PTPRN2: variants seen among roughly 807,000 people sequenced by gnomAD.
PTPRN2 encodes the protein protein tyrosine phosphatase receptor type N2, also known as receptor-type tyrosine-protein phosphatase N2.
In PTPRN2, 74 loss-of-function variants were observed where a neutral mutation model predicts 118.8. That is an observed-to-expected ratio of 0.62 (90% CI 0.52 to 0.76). The LOEUF (loss-of-function observed/expected upper bound fraction) is 0.76. Ranked by LOEUF, PTPRN2 falls within the 30% of genes least tolerant of loss-of-function variation. The pLI is 0.00. For missense variants in PTPRN2, 1,481 were observed against 1,394.4 expected, an observed-to-expected ratio of 1.06 and a Z score of -0.99; for synonymous variants, 641 against 608.0, an observed-to-expected ratio of 1.05 and a Z score of -0.80.
At position 158,262,356 on chromosome 7, in the gene PTPRN2, GCAAA is replaced by G. The variant is rs200646069; in HGVS notation, c.277+54459_277+54462del. ...CACTGCACACATATTCACACACACT[GCAAA>G]CATTCACTGCACACACATACACACA... is the stretch of plus-strand genomic sequence containing the variant. On this transcript the variant is annotated intron_variant, in intron 3 of 22. Transcript: ENST00000389418. Among the ~76,000 whole-genome samples the G allele has an allele frequency of 1.0e-3, 117 of 113,204 alleles. 1 individual carries two copies. The East Asian group carries it at 0.024, about 23-fold the overall frequency. 74.3% of individuals were successfully genotyped at this position (113,204 alleles called of 152,430 possible).
intron 11 of PTPRN2, among the ~76,000 whole-genome samples, chr7:158,071,769 A>AGGTGCTTGTGGTGG (rs1563393422): frequency 1.1e-4 from 5 of 44,806 alleles, no homozygotes; most frequent in African/African-American, 6.7e-4. Context: ...GCTCGTGGTG[A>AGGTGCTTGTGGTGG]TGGAGGTGCT....
chr7:157,688,455 G>A (rs931623463), intron 12 of PTPRN2, among the ~76,000 whole-genome samples: 1 of 152,178 alleles, frequency 6.6e-6, no homozygotes, highest in African/African-American at 2.4e-5. Flanking sequence ...TGAGAAAGCC[G>A]CCCCCAGCCT....
intron 11 of PTPRN2, among the ~76,000 whole-genome samples, chr7:158,062,582 A>G (rs987874371): frequency 5.0e-4 from 76 of 151,048 alleles, no homozygotes; most frequent in African/African-American, 1.7e-3. Context: ...GGAGAGGCAC[A>G]GGCAGGAACT....
At position 157,844,383 on chromosome 7, in the gene PTPRN2, G is replaced by A. The variant is rs116256593; in HGVS notation, c.1788+54290C>T. On this transcript the variant is annotated intron_variant, in intron 12 of 22. Coordinates refer to ENST00000389418, the MANE Select transcript of PTPRN2 (RefSeq NM_002847.5). ...AGCTGAAGGCCTGGGCACAGCTAGCGAGGCCACTGGCATGTGGGAGATGGA... is the reference window on the plus strand; with the variant it reads ...AGCTGAAGGCCTGGGCACAGCTAGCAAGGCCACTGGCATGTGGGAGATGGA... Among the ~76,000 whole-genome samples, 455 of 152,344 alleles carry A rather than the reference G, an allele frequency of 3.0e-3. 4 individuals carry two copies. The highest frequency in any genetic ancestry group is 0.01 in the African/African-American group (435 of 41,588).
rs1824781673 is a variant in PTPRN2, at chr7:158,526,353, G to A, written c.113-36568C>T. 1.3e-5 allele frequency among the ~76,000 whole-genome samples: 2 copies of A among 152,232 alleles called. No individual in the cohort carries two copies. The highest frequency in any genetic ancestry group is 1.3e-4 in the Admixed American group (2 of 15,282). On this transcript the variant is annotated intron_variant, in intron 1 of 22. Coordinates refer to ENST00000389418, the MANE Select transcript of PTPRN2 (RefSeq NM_002847.5). The surrounding 1 kb of genome is among the most constrained non-coding windows in gnomAD (Gnocchi z 5.2). ...CATCTCTCCCGTGGGACGCTGCAGA[G>A]ATAACCAGGTAGAGCCACGCTCACG...
chr7:158,021,754 G>A (rs1468865519), intron 11 of PTPRN2, among the ~76,000 whole-genome samples: 1 of 152,172 alleles, frequency 6.6e-6, no homozygotes, highest in East Asian at 1.9e-4. Context: ...CCATAGTGGG[G>A]AGAGGATGAA....
At chr7:158,034,767 C>T (rs1046642163) in intron 11 of PTPRN2, among the ~76,000 whole-genome samples, 3 of 152,138 alleles carry the variant, frequency 2.0e-5, no homozygotes, top group Admixed American at 6.5e-5. Context: ...AGGGCTGAGT[C>T]GAGTTGCATC....
At chr7:158,141,199 G>A (rs188054208) in intron 6 of PTPRN2, among the ~76,000 whole-genome samples, 6 of 152,344 alleles carry the variant, frequency 3.9e-5, no homozygotes, top group East Asian at 1.9e-4. Flanking sequence ...CAATAGAAGC[G>A]GAGGAATTAT....
Position 157,674,673 on chromosome 7 carries a change from G to A in PTPRN2, c.2001+8052C>T, listed in dbSNP as rs1293925850. Among the ~76,000 whole-genome samples, 1 of 152,232 alleles carries A rather than the reference G, an allele frequency of 6.6e-6. No individual in the cohort carries two copies. Among genetic ancestry groups the A allele is most frequent in the African/African-American group, 2.4e-5 (1 of 41,464 alleles). ...TGCCCATCAAGGCAGAGGCTGAGAA[G>A]AAGGTCTGCTTTACAGCAACGGCCT... is the stretch of plus-strand genomic sequence containing the variant. On this transcript the variant is annotated intron_variant, in intron 13 of 22. Transcript: ENST00000389418. This position sits in a 1 kb window ranked among gnomAD's most constrained non-coding sequence, Gnocchi z 4.5.
At chr7:158,182,445 T>C (rs146317560) in intron 5 of PTPRN2, among the ~76,000 whole-genome samples, 247 of 152,254 alleles carry the variant, frequency 1.6e-3, no homozygotes, top group Non-Finnish European at 2.8e-3. Flanking sequence ...GCTGCACCTA[T>C]TGACTTGTCC....
Position 158,330,036 on chromosome 7 carries a change from A to ACCCGCAGACG in PTPRN2, c.164-13105_164-13104insCGTCTGCGGG, listed in dbSNP as rs1563148280. Among the ~76,000 whole-genome samples, 447 of 142,264 alleles carry ACCCGCAGACG rather than the reference A, an allele frequency of 3.1e-3. 77 individuals are homozygous for ACCCGCAGACG. The highest frequency in any genetic ancestry group is 7.6e-3 in the Middle Eastern group (2 of 264). The allele number at this position is 142,264 out of a possible 152,430, so 93.3% of individuals were successfully genotyped here. ...CCACACTCTCACCATAAGAGGTGAC[A>ACCCGCAGACG]TCTGCAGACGTCACTCACACCCACA... On this transcript the variant is annotated intron_variant, in intron 2 of 22. Transcript: ENST00000389418.
chr7:157,671,726 T>A lies in PTPRN2; in HGVS notation c.2001+10999A>T, dbSNP rs546659147. ...TCTCCATTTTCGGAACTGCACGTCG[T>A]TCTGGGGCCCAATTATTCTACCTAA... On this transcript the variant is annotated intron_variant, in intron 13 of 22. Transcript: ENST00000389418. This position sits in a 1 kb window ranked among gnomAD's most constrained non-coding sequence, Gnocchi z 4.1. Among the ~76,000 whole-genome samples, 6 of 152,152 alleles carry A rather than the reference T, an allele frequency of 3.9e-5. No homozygotes were observed. The South Asian group carries it at 1.2e-3, about 32-fold the overall frequency.
chr7:158,089,498 G>T (rs59980259), intron 10 of PTPRN2, among the ~76,000 whole-genome samples: 360 of 119,886 alleles, frequency 3.0e-3, no homozygotes, highest in African/African-American at 0.014. Flanking sequence ...CTTCCCCTGA[G>T]GAAAGGGGGA....
At chr7:158,245,609 G>A (rs1796194536) in intron 3 of PTPRN2, among the ~76,000 whole-genome samples, 1 of 152,118 alleles carries the variant, frequency 6.6e-6, no homozygotes, top group African/African-American at 2.4e-5. Flanking sequence ...TAGGTGGAGG[G>A]AGTTTTCCAG....
chr7:158,329,329 T>TA (rs1803933858), intron 2 of PTPRN2, among the ~76,000 whole-genome samples: 1 of 152,172 alleles, frequency 6.6e-6, no homozygotes, highest in African/African-American at 2.4e-5. Flanking sequence ...CGCCCAGCAC[T>TA]TCCCAGCCTT....
chr7:158,494,899 T>G (rs1279426661), intron 1 of PTPRN2, among the ~76,000 whole-genome samples: 1 of 151,654 alleles, frequency 6.6e-6, no homozygotes, highest in Non-Finnish European at 1.5e-5. Context: ...CGAAGCAGAG[T>G]GAAGTAATCT....
At chr7:157,623,016 C>T (rs746779630) in intron 14 of PTPRN2, among the ~76,000 whole-genome samples, 2 of 152,190 alleles carry the variant, frequency 1.3e-5, no homozygotes, top group Non-Finnish European at 2.9e-5. Flanking sequence ...CAGGAAGCCT[C>T]GTGGTTTCCT....
At chr7:158,344,292 G>A (rs561337486) in intron 2 of PTPRN2, among the ~76,000 whole-genome samples, 2 of 152,248 alleles carry the variant, frequency 1.3e-5, no homozygotes, top group South Asian at 4.2e-4. Flanking sequence ...CAGGAACAAG[G>A]CAGTTTAGTA....
rs899108153 is a variant in PTPRN2 at position 157,986,004 on chromosome 7, A to C, written c.1724-87267T>G. Among the ~76,000 whole-genome samples the C allele has an allele frequency of 6.6e-6, 1 of 152,202 alleles. No homozygotes were observed. The highest frequency in any genetic ancestry group is 1.5e-5 in the Non-Finnish European group (1 of 68,024). ...ACCGCATGTGAAATGCTTGGGGTTG[A>C]AATGTAACGAATCTCTCACTACTGA... On this transcript the variant is annotated intron_variant, in intron 11 of 22. Transcript: ENST00000389418. This position sits in a 1 kb window ranked among gnomAD's most constrained non-coding sequence, Gnocchi z 4.5.
Sources: allele counts gnomAD v4.1 joint callset (sites outside exome capture counted in the v4.1 genomes callset), GRCh38; gene constraint gnomAD v4.1.1; non-coding constraint Gnocchi (gnomAD v3.1); transcripts MANE v1.5; gene names NCBI Gene and HGNC (gene_info 2026-07-23, HGNC 2026-07-21).